Variants in ARL3 observed in about 807,000 individuals in gnomAD.
ARL3 encodes the protein ADP-ribosylation factor-like protein 3.
Under a neutral mutation model 26.0 loss-of-function variants are expected in ARL3, and 9 were observed. That is an observed-to-expected ratio of 0.35 (90% CI 0.21 to 0.60). ARL3 has a LOEUF of 0.60. ARL3 is among the 20% of genes least tolerant of loss of function. ARL3 has a pLI of 0.78. For missense variants in ARL3, 158 were observed against 215.7 expected (o/e 0.73, Z 1.67); for synonymous variants, 71 against 78.4 (o/e 0.91, Z 0.50).
In ARL3 at chr10:102,673,810, C is replaced by T. The variant is rs542883418; in HGVS notation, c.*3084G>A. On this transcript the variant is annotated 3_prime_UTR_variant, in exon 6 of 6. Coordinates refer to ENST00000260746, the MANE Select transcript of ARL3 (RefSeq NM_004311.4). Reference sequence around the variant, plus strand: ...ATTGAGTTTTCCACATGACCAAACACCACATCTCTTCCTTTGATTATCATT... The same window carrying T: ...ATTGAGTTTTCCACATGACCAAACATCACATCTCTTCCTTTGATTATCATT... The T allele has an allele frequency of 2.0e-4, 30 of 152,268 alleles. No individual in the cohort carries two copies. Among genetic ancestry groups the T allele is most frequent in the African/African-American group, 6.5e-4 (27 of 41,534 alleles). The allele number at this position is 152,268 out of a possible 1,614,324, so 9.4% of individuals were successfully genotyped here.
chr10:102,703,767 G>A (rs977634538), intron 2 of ARL3, among the ~76,000 whole-genome samples: 5 of 151,654 alleles, frequency 3.3e-5, no homozygotes, highest in African/African-American at 1.2e-4. Flanking sequence ...AAACCTCCAC[G>A]CTGTGAGCAC....
In ARL3 at chr10:102,705,434, A is replaced by G; in HGVS notation, c.59T>C (p.Ile20Thr). 6.2e-7 allele frequency: 1 copy of G among 1,611,426 alleles called. No individual in the cohort carries two copies. Among genetic ancestry groups the G allele is most frequent in the East Asian group, 2.2e-5 (1 of 44,808 alleles). The stretch of plus-strand genomic sequence containing the variant: ...AGCATTATCCAAGCCCAGGAGAAGT[A>G]TTCTCACCTCCTGGTCTGGTGCACT... ...LKSAPDQEVRILLLGLDNAGK... is the reference protein window; with the variant it reads ...LKSAPDQEVRTLLLGLDNAGK... Residue 20 changes from isoleucine (I) to threonine (T), a missense_variant, in exon 2 of 6, where the codon ATA becomes ACA. Coordinates refer to ENST00000260746, the MANE Select transcript of ARL3 (RefSeq NM_004311.4).
chr10:102,689,657 C>G (rs962392246), intron 4 of ARL3, among the ~76,000 whole-genome samples: 11 of 151,840 alleles, frequency 7.2e-5, no homozygotes, highest in Non-Finnish European at 1.2e-4. Flanking sequence ...TGTGGTGAAA[C>G]CCTCTCTCTA....
In ARL3 at chr10:102,714,371, C is replaced by T. The variant is rs1282328064; in HGVS notation, c.-96G>A. 1 of 1,214,354 alleles carries T rather than the reference C, an allele frequency of 8.2e-7. No individual in the cohort carries two copies. Among genetic ancestry groups the T allele is most frequent in the East Asian group, 3.0e-5 (1 of 32,998 alleles). 75.2% of individuals were successfully genotyped at this position (1,214,354 alleles called of 1,614,324 possible). ...CGCCGCCCCCGACGTCCCTCGCACG[C>T]ACAGCTGAGGAGCTGAGCAGCAATA... On this transcript the variant is annotated 5_prime_UTR_variant, in exon 1 of 6. Coordinates refer to ENST00000260746, the MANE Select transcript of ARL3 (RefSeq NM_004311.4).
chr10:102,683,552 C>T (rs192995246), intron 5 of ARL3, among the ~76,000 whole-genome samples: 37 of 152,222 alleles, frequency 2.4e-4, no homozygotes, highest in African/African-American at 7.9e-4. Flanking sequence ...GATATCATTT[C>T]CTGTGAACTT....
rs373791852 is a variant in ARL3 at position 102,699,716 on chromosome 10, T to C, written c.148-227A>G. On this transcript the variant is annotated intron_variant, in intron 2 of 5. Transcript: ENST00000260746. ...TGTTAATAATGTCAGGCTAACACAATGTTTTTCTACAATGAACATATATAC... is the reference window on the plus strand; with the variant it reads ...TGTTAATAATGTCAGGCTAACACAACGTTTTTCTACAATGAACATATATAC... Among the ~76,000 whole-genome samples, 130 of 152,332 alleles carry C rather than the reference T, an allele frequency of 8.5e-4. 3 individuals carry two copies. In the South Asian group the frequency reaches 0.026, roughly 31 times the overall value.
intron 2 of ARL3, among the ~76,000 whole-genome samples, chr10:102,700,463 G>A (rs1191648730): frequency 6.8e-6 from 1 of 148,110 alleles, no homozygotes; most frequent in South Asian, 2.2e-4. Context: ...ACTTGAAAAG[G>A]AAGTCTTCAT....
chr10:102,677,481 G>C (rs1239925976), intron 5 of ARL3, among the ~76,000 whole-genome samples: 4 of 152,216 alleles, frequency 2.6e-5, no homozygotes, highest in Non-Finnish European at 5.9e-5. Flanking sequence ...CAGCACTCCA[G>C]ATAGGTTTAA....
intron 3 of ARL3, among the ~76,000 whole-genome samples, chr10:102,696,998 A>G (rs879765743): frequency 2.0e-5 from 3 of 152,186 alleles, no homozygotes; most frequent in Non-Finnish European, 4.4e-5. Context: ...GGTCTACTGC[A>G]CACCTAGGCT....
chr10:102,692,423 GT>G (rs1231091034), intron 3 of ARL3, among the ~76,000 whole-genome samples: 1 of 152,136 alleles, frequency 6.6e-6, no homozygotes, highest in Admixed American at 6.5e-5. Flanking sequence ...ATACACTTTT[GT>G]TTTTTTGTTG....
intron 5 of ARL3, among the ~76,000 whole-genome samples, chr10:102,681,471 G>GA (rs1190435319): frequency 1.3e-5 from 2 of 151,722 alleles, no homozygotes; most frequent in Non-Finnish European, 2.9e-5. Context: ...GCAAAACCAA[G>GA]AAATGGGCGA....
intron 3 of ARL3, among the ~76,000 whole-genome samples, chr10:102,697,480 CTAT>C (rs2064254626): frequency 6.6e-6 from 1 of 152,046 alleles, no homozygotes; most frequent in South Asian, 2.1e-4. Flanking sequence ...CCCGGCAGCT[CTAT>C]TATAATCTTA....
In ARL3 at chr10:102,686,004, G is replaced by A. The variant is rs763060317; in HGVS notation, c.316-3C>T. 1.2e-6 allele frequency: 2 copies of A among 1,610,994 alleles called. No individual in the cohort carries two copies. The highest frequency in any genetic ancestry group is 1.7e-6 in the Non-Finnish European group (2 of 1,178,198). On this transcript the variant is annotated splice_polypyrimidine_tract_variant and splice_region_variant and intron_variant, in intron 4 of 5. Coordinates refer to ENST00000260746, the MANE Select transcript of ARL3 (RefSeq NM_004311.4). ...TCCTCCAGTAATTCCGCTAGTTCCT[G>A]GATTTTGAGAAGGGAGAGGGAGGGA...
intron 5 of ARL3, among the ~76,000 whole-genome samples, chr10:102,680,433 G>C (rs1028186818): frequency 2.0e-5 from 3 of 152,080 alleles, no homozygotes; most frequent in Non-Finnish European, 4.4e-5. Context: ...AGAGAGACAT[G>C]GAATTTCAAA....
At chr10:102,688,196 C>A (rs1403503915) in intron 4 of ARL3, among the ~76,000 whole-genome samples, 1 of 152,184 alleles carries the variant, frequency 6.6e-6, no homozygotes, top group Non-Finnish European at 1.5e-5. Context: ...TAGGCCCCAC[C>A]TTTTCCTCAT....
intron 5 of ARL3, among the ~76,000 whole-genome samples, chr10:102,678,640 G>A (rs1378426589): frequency 6.6e-6 from 1 of 152,226 alleles, no homozygotes; most frequent in African/African-American, 2.4e-5. Flanking sequence ...CAAGGACAGT[G>A]TGCCCACACT....
chr10:102,678,942 C>T (rs547516837), intron 5 of ARL3, among the ~76,000 whole-genome samples: 1 of 152,206 alleles, frequency 6.6e-6, no homozygotes, highest in African/African-American at 2.4e-5. Context: ...CAACAGAGGG[C>T]GCACAGAGGC....
At chr10:102,684,018 C>T (rs1396212395) in intron 5 of ARL3, among the ~76,000 whole-genome samples, 1 of 152,206 alleles carries the variant, frequency 6.6e-6, no homozygotes, top group Non-Finnish European at 1.5e-5. Context: ...CTTCAACACT[C>T]TGGTCAAGCA....
intron 3 of ARL3, among the ~76,000 whole-genome samples, chr10:102,697,697 C>T (rs2064256294): frequency 6.6e-6 from 1 of 151,972 alleles, no homozygotes; most frequent in African/African-American, 2.4e-5. Flanking sequence ...CACAAGGACT[C>T]CGGGGCTCTC....
Sources: gnomAD v4.1 joint callset for allele counts (sites outside exome capture counted in the v4.1 genomes callset) on GRCh38, gnomAD v4.1.1 for gene constraint, MANE v1.5 for transcripts, NCBI Gene and HGNC (gene_info 2026-07-23, HGNC 2026-07-21) for gene names.